LAMB4: variants seen among roughly 807,000 people sequenced by gnomAD.
LAMB4 encodes the protein laminin subunit beta-4.
A neutral mutation model predicts 199.2 loss-of-function variants in LAMB4; 196 were observed. The observed-to-expected ratio is 0.98, with a 90% confidence interval of 0.88 to 1.11. LAMB4 has a LOEUF of 1.11. Ranked by LOEUF, LAMB4 falls within the 50% of genes least tolerant of loss-of-function variation. LAMB4 has a pLI of 0.00. For synonymous variants in LAMB4, 744 were observed against 770.6 expected (o/e 0.97, Z 0.57); for missense variants, 2,080 against 2,171.2 (o/e 0.96, Z 0.83).
the LAMB4 span, among the ~76,000 whole-genome samples, chr7:108,012,649 C>T: frequency 6.6e-6 from 1 of 152,200 alleles, no homozygotes. Context: ...TGGTGACTTA[C>T]ATCACATCTG....
intron 29 of LAMB4, among the ~76,000 whole-genome samples, chr7:108,041,661 G>A (rs922766620): frequency 1.3e-5 from 2 of 152,118 alleles, no homozygotes; most frequent in African/African-American, 4.8e-5. Context: ...ACCAAATACC[G>A]CATGTTCTCA....
intron 2 of LAMB4, 40 bp downstream of exon 2, chr7:108,123,091 C>T: frequency 6.4e-7 from 1 of 1,562,244 alleles, no homozygotes; most frequent in Non-Finnish European, 8.7e-7. Flanking sequence ...TATTTTAGGA[C>T]AGCGCAAGCA....
Position 108,023,949 on chromosome 7 carries a change from TG to T in LAMB4, c.*89del. The T allele has an allele frequency of 9.2e-7, 1 of 1,081,460 alleles. No homozygotes were observed. Among genetic ancestry groups the T allele is most frequent in the Non-Finnish European group, 1.3e-6 (1 of 770,686 alleles). The allele number at this position is 1,081,460 out of a possible 1,614,324, so 67.0% of individuals were successfully genotyped here. On this transcript the variant is annotated 3_prime_UTR_variant, in exon 34 of 34. Coordinates refer to ENST00000388781, the MANE Select transcript of LAMB4 (RefSeq NM_007356.3). ...TGTGGGGAAGGAAGGTAGAAGACATTGTCAGTATTTCACAGGTTCAACAGAG... is the reference window on the plus strand; with the variant it reads ...TGTGGGGAAGGAAGGTAGAAGACATTTCAGTATTTCACAGGTTCAACAGAG...
chr7:108,102,993 C>T (rs367899546), intron 10 of LAMB4, 51 bp downstream of exon 10: 117 of 1,470,346 alleles, frequency 8.0e-5, no homozygotes, highest in Non-Finnish European at 1.0e-4. Flanking sequence ...TAAGATCAAA[C>T]TGAACTTTGC....
chr7:108,030,236 G>A (rs1424035234), intron 32 of LAMB4, among the ~76,000 whole-genome samples: 1 of 152,054 alleles, frequency 6.6e-6, no homozygotes, highest in Non-Finnish European at 1.5e-5. Context: ...TAGACCAAAT[G>A]TAAATACACT....
intron 1 of LAMB4, among the ~76,000 whole-genome samples, chr7:108,127,991 C>T (rs1254459309): frequency 2.0e-5 from 3 of 152,062 alleles, no homozygotes; most frequent in Non-Finnish European, 4.4e-5. Flanking sequence ...CTAAGGAATC[C>T]GGGAGTAGCC....
At chr7:108,090,137 A>T (rs1448290594) in intron 14 of LAMB4, among the ~76,000 whole-genome samples, 1 of 152,234 alleles carries the variant, frequency 6.6e-6, no homozygotes. Flanking sequence ...TAATGTATGT[A>T]AAGTGCAAAG....
intron 33 of LAMB4, among the ~76,000 whole-genome samples, chr7:108,024,618 A>G (rs1563023925): frequency 6.6e-6 from 1 of 152,160 alleles, no homozygotes; most frequent in Non-Finnish European, 1.5e-5. Context: ...GAAGTCCCTG[A>G]ACAGTAACAG....
chr7:108,033,649 T>C (rs1584593125), intron 31 of LAMB4, among the ~76,000 whole-genome samples: 1 of 151,810 alleles, frequency 6.6e-6, no homozygotes, highest in East Asian at 1.9e-4. Flanking sequence ...CCTCGGGTGA[T>C]ACACCCACCT....
chr7:108,056,052 T>G (rs1375590735), intron 24 of LAMB4, 45 bp from the exon 25 acceptor site: 1 of 1,531,264 alleles, frequency 6.5e-7, no homozygotes, highest in Non-Finnish European at 8.8e-7. Context: ...CTGGGCCTTT[T>G]GTTGATGACT....
intron 1 of LAMB4, among the ~76,000 whole-genome samples, chr7:108,125,783 C>T (rs924026924): frequency 2.4e-4 from 36 of 152,186 alleles, no homozygotes; most frequent in African/African-American, 8.4e-4. Context: ...AAAGAACAAG[C>T]GGAATGCCTT....
intron 24 of LAMB4, among the ~76,000 whole-genome samples, chr7:108,056,761 G>A (rs1449148265): frequency 6.6e-6 from 1 of 152,116 alleles, no homozygotes; most frequent in Non-Finnish European, 1.5e-5. Context: ...TTTGAGCCCA[G>A]GAGTTCGAGA....
intron 25 of LAMB4, 122 bp from the exon 26 acceptor site, chr7:108,052,379 C>A: frequency 3.0e-6 from 2 of 666,838 alleles, no homozygotes; most frequent in East Asian, 2.8e-5. Flanking sequence ...ATTCCTTCTA[C>A]TCGAGTTTTT....
chr7:108,101,354 C>G (rs1454363863), intron 10 of LAMB4, among the ~76,000 whole-genome samples: 3 of 152,178 alleles, frequency 2.0e-5, no homozygotes, highest in Non-Finnish European at 4.4e-5. Context: ...TGCTATAAAG[C>G]AATGAATCCT....
At chr7:108,106,664 A>C in intron 6 of LAMB4, 92 bp from the exon 7 acceptor site, 1 of 717,970 alleles carries the variant, frequency 1.4e-6, no homozygotes, top group Non-Finnish European at 2.3e-6. Flanking sequence ...TCCCAGGCCC[A>C]AGAAATCTTA....
chr7:108,120,855 C>T (rs2038573818), intron 2 of LAMB4, among the ~76,000 whole-genome samples: 1 of 151,998 alleles, frequency 6.6e-6, no homozygotes, highest in Non-Finnish European at 1.5e-5. Flanking sequence ...TTTTTATAAC[C>T]TGACTTGGCC....
chr7:108,111,092 G>A (rs765667839), intron 4 of LAMB4, among the ~76,000 whole-genome samples: 23 of 152,176 alleles, frequency 1.5e-4, no homozygotes, highest in Non-Finnish European at 2.4e-4. Flanking sequence ...AAGAGTTCCA[G>A]ACTAGTGTTA....
At chr7:108,017,819 C>T in the LAMB4 span, among the ~76,000 whole-genome samples, 1 of 152,138 alleles carries the variant, frequency 6.6e-6, no homozygotes, top group Non-Finnish European at 1.5e-5. Flanking sequence ...TTGAAGGATT[C>T]CTGTAATATC....
chr7:108,099,890 TG>T (rs1334914197), intron 10 of LAMB4, among the ~76,000 whole-genome samples: 1 of 152,232 alleles, frequency 6.6e-6, no homozygotes, highest in African/African-American at 2.4e-5. Context: ...TACTTGTTAT[TG>T]TTTTGTGACT....
Sources: allele counts gnomAD v4.1 joint callset (sites outside exome capture counted in the v4.1 genomes callset), GRCh38; gene constraint gnomAD v4.1.1; transcripts MANE v1.5; gene names NCBI Gene and HGNC (gene_info 2026-07-23, HGNC 2026-07-21).